The following PALS2 variants were observed in gnomAD, a reference collection of about 807,000 sequenced individuals.
PALS2 encodes protein PALS2.
Under a neutral mutation model 61.6 loss-of-function variants are expected in PALS2, and 27 were observed. The observed-to-expected ratio is 0.44, with a 90% CI of 0.32 to 0.60. PALS2 has a LOEUF of 0.60. PALS2 is among the 20% of genes least tolerant of loss of function. The probability of loss-of-function intolerance (pLI) is 0.05; values close to 1 mark genes in which losing one functional copy is unlikely to be tolerated. For synonymous variants in PALS2, 236 were observed against 218.6 expected (o/e 1.08, Z -0.70); for missense variants, 554 against 639.4 (o/e 0.87, Z 1.44).
intron 2 of PALS2, among the ~76,000 whole-genome samples, chr7:24,633,741 T>C (rs1785113028): frequency 1.3e-5 from 2 of 152,128 alleles, no homozygotes; most frequent in Admixed American, 1.3e-4. Context: ...GTAGACGTAG[T>C]TTTTTATTTC....
chr7:24,586,797 A>G (rs1783081613), intron 1 of PALS2, among the ~76,000 whole-genome samples: 3 of 152,182 alleles, frequency 2.0e-5, no homozygotes, highest in South Asian at 4.1e-4. Flanking sequence ...TTAAAAGTGA[A>G]TTAAGGAGAG....
chr7:24,594,310 A>G (rs373947052), intron 1 of PALS2, among the ~76,000 whole-genome samples: 2 of 152,084 alleles, frequency 1.3e-5, no homozygotes, highest in African/African-American at 4.8e-5. Context: ...AACTTTCCCC[A>G]TATCATCAAT....
chr7:24,666,277 C>T (rs879281309), intron 8 of PALS2, among the ~76,000 whole-genome samples, 188 bp downstream of exon 8: 2 of 152,078 alleles, frequency 1.3e-5, no homozygotes, highest in Admixed American at 6.6e-5. Flanking sequence ...TATATACTAC[C>T]ATGTGCTTTA....
At chr7:24,584,480 A>G (rs1782979375) in intron 1 of PALS2, among the ~76,000 whole-genome samples, 1 of 147,410 alleles carries the variant, frequency 6.8e-6, no homozygotes. Flanking sequence ...GTGTCTGTTC[A>G]TGTCCTTCGC....
intron 5 of PALS2, among the ~76,000 whole-genome samples, chr7:24,651,377 A>C (rs1583948904): frequency 1.3e-5 from 2 of 152,204 alleles, no homozygotes; most frequent in African/African-American, 4.8e-5. Context: ...ATGACCACTT[A>C]GGTTCAAATA....
rs1788471907 is a variant in PALS2, at chr7:24,691,438, T to TAC, written c.*3825_*3826insCA. On this transcript the variant is annotated 3_prime_UTR_variant, in exon 12 of 12. Transcript: ENST00000222644. Reference sequence around the variant, plus strand: ...ATATATATATATATATATATATATATATATATACAGCTATGTGTATAATAT... The same window carrying TAC: ...ATATATATATATATATATATATATATACATATATACAGCTATGTGTATAATAT... 3 of 135,130 alleles carry TAC rather than the reference T, an allele frequency of 2.2e-5. No homozygotes were observed. The highest frequency in any genetic ancestry group is 4.9e-5 in the Non-Finnish European group (3 of 61,272). 8.4% of individuals were successfully genotyped at this position (135,130 alleles called of 1,614,324 possible).
chr7:24,640,097 A>G (rs1462062221), intron 2 of PALS2, among the ~76,000 whole-genome samples: 1 of 151,956 alleles, frequency 6.6e-6, no homozygotes, highest in Non-Finnish European at 1.5e-5. Flanking sequence ...GATTACAGAC[A>G]TGAGCCACTG....
At chr7:24,605,587 G>C (rs1322858971) in intron 1 of PALS2, among the ~76,000 whole-genome samples, 2 of 151,650 alleles carry the variant, frequency 1.3e-5, no homozygotes, top group African/African-American at 4.8e-5. Flanking sequence ...GTAAGAATAG[G>C]TCTATAAAGA....
chr7:24,649,862 T>C, intron 4 of PALS2, 98 bp downstream of exon 4: 2 of 1,160,556 alleles, frequency 1.7e-6, no homozygotes, highest in Non-Finnish European at 2.3e-6. Context: ...TTTCATAATG[T>C]TATGAAAACT....
chr7:24,665,956 C>T (rs561401229), intron 7 of PALS2, 65 bp from the exon 8 acceptor site: 1 of 1,458,730 alleles, frequency 6.9e-7, no homozygotes, highest in East Asian at 2.3e-5. Flanking sequence ...CTGTAAAATA[C>T]TATAGGGCAA....
chr7:24,659,583 G>A (rs1185449745), intron 5 of PALS2, among the ~76,000 whole-genome samples: 1 of 152,074 alleles, frequency 6.6e-6, no homozygotes, highest in Non-Finnish European at 1.5e-5. Flanking sequence ...TGCTTTTTAA[G>A]GTTTATTAGG....
rs559960423 is a variant in PALS2, at chr7:24,690,194, A to G, written c.*2580A>G. ...AGTTAGATAAGTTCATTGTATCTCA[A>G]TGAAGAATCATTGAACTTGAAACCC... On this transcript the variant is annotated 3_prime_UTR_variant, in exon 12 of 12. Transcript: ENST00000222644. The G allele has an allele frequency of 4.6e-5, 7 of 152,312 alleles. No individual in the cohort carries two copies. The highest frequency in any genetic ancestry group is 3.9e-4 in the East Asian group (2 of 5,186). The allele number at this position is 152,312 out of a possible 1,614,324, so 9.4% of individuals were successfully genotyped here. A position where few individuals can be genotyped will look rare whatever the true frequency, so the allele number is the denominator to read the frequency against.
Position 24,690,794 on chromosome 7 carries a change from A to G in PALS2, c.*3180A>G, listed in dbSNP as rs894897114. 4 of 152,236 alleles carry G rather than the reference A, an allele frequency of 2.6e-5. No individual in the cohort carries two copies. Among genetic ancestry groups the G allele is most frequent in the African/African-American group, 9.6e-5 (4 of 41,468 alleles). 9.4% of individuals were successfully genotyped at this position (152,236 alleles called of 1,614,324 possible). A position where few individuals can be genotyped will look rare whatever the true frequency, so the allele number is the denominator to read the frequency against. On this transcript the variant is annotated 3_prime_UTR_variant, in exon 12 of 12. Transcript: ENST00000222644. Reference sequence around the variant, plus strand: ...AACTCTAACTATACAATTGCTGAACATAGCTTTCTGAAATAGAAATTATAA... The same window carrying G: ...AACTCTAACTATACAATTGCTGAACGTAGCTTTCTGAAATAGAAATTATAA...
rs145378974 is a variant in PALS2, at chr7:24,577,170, A to G, written c.-3+3577A>G. Reference sequence around the variant, plus strand: ...TAAGTATATTCACAGAGTAATGAACAGAACAAAATTAGTTTCTATTTTTCC... The same window carrying G: ...TAAGTATATTCACAGAGTAATGAACGGAACAAAATTAGTTTCTATTTTTCC... On this transcript the variant is annotated intron_variant, in intron 1 of 11. Coordinates refer to ENST00000222644, the MANE Select transcript of PALS2 (RefSeq NM_001303037.2). Among the ~76,000 whole-genome samples the G allele has an allele frequency of 6.0e-3, 914 of 152,250 alleles. 5 individuals are homozygous for G. Among genetic ancestry groups the G allele is most frequent in the Middle Eastern group, 0.01 (3 of 294 alleles).
At chr7:24,665,960 AG>A in intron 7 of PALS2, 60 bp from the exon 8 acceptor site, 3 of 1,473,510 alleles carry the variant, frequency 2.0e-6, no homozygotes, top group East Asian at 4.5e-5. Context: ...AAAATACTAT[AG>A]GGCAATTTTT....
chr7:24,687,761 TC>T lies in PALS2; in HGVS notation c.*148del. On this transcript the variant is annotated 3_prime_UTR_variant, in exon 12 of 12. Coordinates refer to ENST00000222644, the MANE Select transcript of PALS2 (RefSeq NM_001303037.2). This position sits in a 1 kb window ranked among gnomAD's most constrained non-coding sequence, Gnocchi z 4.5. The stretch of plus-strand genomic sequence containing the variant: ...GTGTAGATTGAAATAATAGTACACT[TC>T]TGAATTTTTATATAAAATGTGGTTG... 1.5e-6 allele frequency: 1 copy of T among 670,738 alleles called. No homozygotes were observed. The highest frequency in any genetic ancestry group is 2.2e-6 in the Non-Finnish European group (1 of 446,158). 41.5% of individuals were successfully genotyped at this position (670,738 alleles called of 1,614,324 possible).
intron 2 of PALS2, among the ~76,000 whole-genome samples, chr7:24,633,996 T>C (rs904554271): frequency 1.2e-4 from 19 of 152,236 alleles, no homozygotes; most frequent in Non-Finnish European, 2.9e-5. Context: ...CATCTTTTCA[T>C]GTGCTTATTG....
chr7:24,604,522 A>G (rs1783829323), intron 1 of PALS2, among the ~76,000 whole-genome samples: 1 of 152,196 alleles, frequency 6.6e-6, no homozygotes, highest in African/African-American at 2.4e-5. Flanking sequence ...ACACACATGT[A>G]ATGGGAGTTT....
intron 3 of PALS2, among the ~76,000 whole-genome samples, chr7:24,644,095 C>CTTTTTTTT (rs59645237): frequency 1.0e-4 from 14 of 134,212 alleles, no homozygotes; most frequent in African/African-American, 3.3e-4. Context: ...TTTCTTTTTT[C>CTTTTTTTT]TTTTTTTTTT....
Sources: gnomAD v4.1 joint callset for allele counts (sites outside exome capture counted in the v4.1 genomes callset) on GRCh38, gnomAD v4.1.1 for gene constraint, Gnocchi (gnomAD v3.1) non-coding constraint, MANE v1.5 for transcripts, NCBI Gene and HGNC (gene_info 2026-07-23, HGNC 2026-07-21) for gene names.